TMEM65: variants seen among roughly 807,000 people sequenced by gnomAD.
TMEM65 encodes the protein transmembrane protein 65.
In TMEM65, 22 loss-of-function variants were observed where a neutral mutation model predicts 25.4. The observed-to-expected ratio is 0.86, with a 90% CI of 0.62 to 1.23. The LOEUF is 1.23. TMEM65 is among the 50% of genes most tolerant of loss of function. The pLI, the probability that TMEM65 is intolerant of heterozygous loss-of-function variation, is 0.00. For missense variants in TMEM65, 262 were observed against 308.2 expected (o/e 0.85, Z 1.12); for synonymous variants, 132 against 126.2 (o/e 1.05, Z -0.31).
intron 5 of TMEM65, among the ~76,000 whole-genome samples, chr8:124,320,895 AAT>A (rs1814296418): frequency 6.6e-6 from 1 of 152,170 alleles, no homozygotes; most frequent in Non-Finnish European, 1.5e-5. Context: ...AGAGAAGAGA[AAT>A]AGTTTTTAAA....
intron 1 of TMEM65, among the ~76,000 whole-genome samples, chr8:124,349,518 C>T (rs1814680074): frequency 6.6e-6 from 1 of 152,132 alleles, no homozygotes; most frequent in Admixed American, 6.6e-5. Flanking sequence ...TGAGGCTAAT[C>T]CACTGCTAAC....
chr8:124,326,158 C>T (rs1024689351), intron 3 of TMEM65, among the ~76,000 whole-genome samples: 9 of 151,986 alleles, frequency 5.9e-5, no homozygotes, highest in African/African-American at 1.7e-4. Context: ...TGAAGCACTT[C>T]GATTTTCTCA....
At chr8:124,358,666 G>C (rs575837405) in intron 1 of TMEM65, among the ~76,000 whole-genome samples, 34 of 152,306 alleles carry the variant, frequency 2.2e-4, no homozygotes, top group African/African-American at 7.9e-4. Flanking sequence ...GAGTGGCTCT[G>C]AATCTATTCT....
At chr8:124,354,796 C>T (rs185538402) in intron 1 of TMEM65, among the ~76,000 whole-genome samples, 13 of 152,322 alleles carry the variant, frequency 8.5e-5, no homozygotes. Flanking sequence ...CAATCAACTA[C>T]TTGCATGTTA....
intron 1 of TMEM65, among the ~76,000 whole-genome samples, chr8:124,371,348 C>CA (rs1417808422): frequency 6.6e-6 from 1 of 152,234 alleles, no homozygotes; most frequent in Non-Finnish European, 1.5e-5. Flanking sequence ...TTCGAAGCTA[C>CA]ACCCCTTCTT....
At chr8:124,317,128 T>C (rs12114111) in intron 6 of TMEM65, among the ~76,000 whole-genome samples, 58,325 of 151,996 alleles carry the variant, frequency 0.38, 11,381 homozygotes, top group Non-Finnish European at 0.43. Context: ...TGTGTATGTT[T>C]TTGTACTCTG....
chr8:124,335,767 G>A (rs1348519921), intron 1 of TMEM65, among the ~76,000 whole-genome samples: 1 of 151,982 alleles, frequency 6.6e-6, no homozygotes, highest in Non-Finnish European at 1.5e-5. Context: ...TAACTTGAAG[G>A]AGAATCTGAA....
rs2131187270 is a variant in TMEM65, at chr8:124,308,387, A to C, written c.*5573T>G. 6.6e-6 allele frequency: 1 copy of C among 152,340 alleles called. No individual in the cohort carries two copies. The highest frequency in any genetic ancestry group is 3.4e-3 in the Middle Eastern group (1 of 296). The allele number at this position is 152,340 out of a possible 1,614,324, so 9.4% of individuals were successfully genotyped here. A position where few individuals can be genotyped will look rare whatever the true frequency, so the allele number is the denominator to read the frequency against. On this transcript the variant is annotated 3_prime_UTR_variant, in exon 7 of 7. Coordinates refer to ENST00000297632, the MANE Select transcript of TMEM65 (RefSeq NM_194291.3). ...ATCAGTGCCATGCAAGAGAACTCTA[A>C]CAAAGAGAACATCATCAAAGTCTGG...
intron 6 of TMEM65, among the ~76,000 whole-genome samples, chr8:124,315,374 T>C (rs1269929077): frequency 1.3e-5 from 2 of 151,846 alleles, no homozygotes; most frequent in African/African-American, 4.8e-5. Flanking sequence ...CAGGTTGGAG[T>C]GCAGTGATGT....
chr8:124,346,075 C>T (rs1814637310), intron 1 of TMEM65, among the ~76,000 whole-genome samples: 1 of 152,248 alleles, frequency 6.6e-6, no homozygotes, highest in South Asian at 2.1e-4. Flanking sequence ...CTTGCAGTTC[C>T]GCATAGCTGG....
At chr8:124,343,262 C>T (rs1814602156) in intron 1 of TMEM65, among the ~76,000 whole-genome samples, 2 of 152,044 alleles carry the variant, frequency 1.3e-5, no homozygotes, top group African/African-American at 4.8e-5. Context: ...ATAGATTGAC[C>T]CCTTATATAA....
At chr8:124,354,207 A>C (rs1010931004) in intron 1 of TMEM65, among the ~76,000 whole-genome samples, 6 of 152,200 alleles carry the variant, frequency 3.9e-5, no homozygotes, top group African/African-American at 1.4e-4. Context: ...CTCAAGGGGA[A>C]GACTAAGGAA....
At chr8:124,350,955 G>A (rs1248300405) in intron 1 of TMEM65, 6 of 984,098 alleles carry the variant, frequency 6.1e-6, no homozygotes, top group Non-Finnish European at 7.2e-6. Flanking sequence ...AGAAAAATTA[G>A]GCAGTCTATT....
intron 1 of TMEM65, among the ~76,000 whole-genome samples, chr8:124,343,782 GTT>G (rs1814611284): frequency 6.6e-6 from 1 of 152,080 alleles, no homozygotes; most frequent in Non-Finnish European, 1.5e-5. Flanking sequence ...TTCCTTTTCT[GTT>G]TATATATGGC....
intron 1 of TMEM65, among the ~76,000 whole-genome samples, chr8:124,360,524 C>T (rs1373108077): frequency 1.3e-5 from 2 of 151,938 alleles, no homozygotes; most frequent in Non-Finnish European, 2.9e-5. Context: ...AAACTCTTAC[C>T]ATTGGTTTGA....
chr8:124,342,331 A>G (rs1288711617), intron 1 of TMEM65, among the ~76,000 whole-genome samples: 1 of 152,148 alleles, frequency 6.6e-6, no homozygotes, highest in Non-Finnish European at 1.5e-5. Context: ...AGATCATACC[A>G]TTGGACTGAG....
chr8:124,372,099 G>A lies in TMEM65; in HGVS notation c.59C>T (p.Pro20Leu). 8 of 1,061,322 alleles carry A rather than the reference G, an allele frequency of 7.5e-6. No individual in the cohort carries two copies. Among genetic ancestry groups the A allele is most frequent in the Non-Finnish European group, 7.9e-6 (7 of 880,774 alleles). The allele number at this position is 1,061,322 out of a possible 1,614,324, so 65.7% of individuals were successfully genotyped here. A position where few individuals can be genotyped will look rare whatever the true frequency, so the allele number is the denominator to read the frequency against. The change falls in exon 1 of 7, where the codon CCG becomes CTG. Residue 20 changes from proline to leucine, a missense_variant. Pro to Leu is a moderately conservative substitution (Grantham distance 98, BLOSUM62 -3). Transcript: ENST00000297632. ...SRTARSLRPG[P>L]AAAAAPRPPS... is the part of the protein sequence containing the mutation. ...CGGGCGGGGCGCGGCGGCGGCGGCC[G>A]GGCCCGGCCTCAGGCTGCGCGCGGT... is the stretch of plus-strand genomic sequence containing the variant.
chr8:124,355,186 C>T (rs1021237051), intron 1 of TMEM65, among the ~76,000 whole-genome samples: 1 of 151,014 alleles, frequency 6.6e-6, no homozygotes, highest in Non-Finnish European at 1.5e-5. Context: ...TGCATAGCTA[C>T]AAAATCAGGG....
chr8:124,369,887 A>G (rs966106906), intron 1 of TMEM65, among the ~76,000 whole-genome samples: 1 of 152,246 alleles, frequency 6.6e-6, no homozygotes, highest in African/African-American at 2.4e-5. Flanking sequence ...TGTCATCGAC[A>G]TCAGCAAAAA....
Sources: gnomAD v4.1 joint callset for allele counts (sites outside exome capture counted in the v4.1 genomes callset) on GRCh38, gnomAD v4.1.1 for gene constraint, MANE v1.5 for transcripts, NCBI Gene and HGNC (gene_info 2026-07-23, HGNC 2026-07-21) for gene names.